Variants in CNOT1 observed in about 807,000 individuals in gnomAD.
CNOT1 encodes CCR4-associated factor 1.
CNOT1 carries 15 observed loss-of-function variants against 273.8 expected under a neutral mutation model. That is an observed-to-expected ratio of 0.05 (90% CI 0.04 to 0.08). CNOT1 has a LOEUF of 0.08. Ranked by LOEUF, CNOT1 falls within the 10% of genes least tolerant of loss-of-function variation. The probability of loss-of-function intolerance (pLI) is 1.00; values close to 1 mark genes in which losing one functional copy is unlikely to be tolerated. For synonymous variants in CNOT1, 1,022 were observed against 1,005.5 expected, an observed-to-expected ratio of 1.02 and a Z score of -0.31; for missense variants, 1,644 against 2,912.2, an observed-to-expected ratio of 0.56 and a Z score of 10.02.
intron 1 of CNOT1, among the ~76,000 whole-genome samples, chr16:58,602,102 C>T (rs1010294504): frequency 2.6e-5 from 4 of 151,706 alleles, no homozygotes; most frequent in Admixed American, 6.6e-5. Context: ...GAGTTTCGCT[C>T]TTGTTTCCCA....
At chr16:58,576,359 C>A in intron 14 of CNOT1, 104 bp downstream of exon 14, 1 of 1,524,008 alleles carries the variant, frequency 6.6e-7, no homozygotes, top group Non-Finnish European at 8.9e-7. Flanking sequence ...GATCCGCCCA[C>A]CTCAGCCTCC....
intron 1 of CNOT1, among the ~76,000 whole-genome samples, chr16:58,628,161 A>G (rs1488418032): frequency 2.6e-5 from 4 of 152,198 alleles, no homozygotes; most frequent in African/African-American, 9.6e-5. Context: ...GACTTGGGGA[A>G]CCCACACTTG....
In CNOT1 at chr16:58,535,733, T is replaced by C. The variant is rs950498881; in HGVS notation, c.5646+1256A>G. Among the ~76,000 whole-genome samples, 4 of 152,200 alleles carry C rather than the reference T, an allele frequency of 2.6e-5. No homozygotes were observed. The South Asian group carries it at 6.2e-4, about 24-fold the overall frequency. On this transcript the variant is annotated intron_variant, in intron 39 of 48. Transcript: ENST00000317147. ...TTTGAAAAGTAAACCTAATTTCTTT[T>C]TTTTTTTTAATTTTTTTTGAGACGG...
intron 34 of CNOT1, 149 bp downstream of exon 34, chr16:58,541,352 G>C: frequency 7.9e-7 from 1 of 1,264,270 alleles, no homozygotes; most frequent in African/African-American, 1.5e-5. Context: ...TACTTAATTG[G>C]ACACAAAGAA....
At chr16:58,572,907 CAA>C (rs1316404648) in intron 16 of CNOT1, among the ~76,000 whole-genome samples, 5 of 67,194 alleles carry the variant, frequency 7.4e-5, no homozygotes, top group South Asian at 4.2e-4. Context: ...GACTCTGTCT[CAA>C]AAAAAAAAAA....
Position 58,547,054 on chromosome 16 carries a change from C to G in CNOT1, c.3750+132G>C. On this transcript the variant is annotated intron_variant, in intron 27 of 48. Transcript: ENST00000317147. The surrounding 1 kb of genome is among the most constrained non-coding windows in gnomAD (Gnocchi z 4.0). ...CACCCAGCCTCTCAAATTGGAAATC[C>G]AAGTGCCATAGAGGAAAACAGACTT... is the stretch of plus-strand genomic sequence containing the variant. 1 of 1,289,352 alleles carries G rather than the reference C, an allele frequency of 7.8e-7. No homozygotes were observed. Among genetic ancestry groups the G allele is most frequent in the Non-Finnish European group, 1.0e-6 (1 of 960,290 alleles). The allele number at this position is 1,289,352 out of a possible 1,614,324, so 79.9% of individuals were successfully genotyped here. A position where few individuals can be genotyped will look rare whatever the true frequency, so the allele number is the denominator to read the frequency against.
At position 58,608,928 on chromosome 16, in the gene CNOT1, C is replaced by T. The variant is rs186977597; in HGVS notation, c.-174-9417G>A. On this transcript the variant is annotated intron_variant, in intron 1 of 48. Transcript: ENST00000317147. ...GAGCTAAGCTATGAGGATGCAAAGG[C>T]GTAAGAATGACACAATAGACCTTGG... 7.9e-5 allele frequency among the ~76,000 whole-genome samples: 12 copies of T among 152,198 alleles called. No homozygotes were observed. In the East Asian group the frequency reaches 1.9e-3, roughly 24 times the overall value.
intron 1 of CNOT1, among the ~76,000 whole-genome samples, chr16:58,611,061 T>C (rs2042881279): frequency 6.6e-6 from 1 of 151,874 alleles, no homozygotes. Flanking sequence ...TAAAAAATGC[T>C]GATTCCTAAG....
intron 7 of CNOT1, among the ~76,000 whole-genome samples, chr16:58,585,844 A>G (rs1190220168): frequency 6.6e-6 from 1 of 152,284 alleles, no homozygotes; most frequent in Non-Finnish European, 1.5e-5. Flanking sequence ...AACAATTAGA[A>G]TATCAGTCTA....
intron 42 of CNOT1, among the ~76,000 whole-genome samples, chr16:58,530,886 G>A (rs2039759828): frequency 6.6e-6 from 1 of 152,108 alleles, no homozygotes. Flanking sequence ...AAAAAAACTG[G>A]CTCCAGAGAT....
intron 34 of CNOT1, 179 bp from the exon 35 acceptor site, chr16:58,540,138 G>C (rs2040045173): frequency 3.4e-6 from 2 of 596,038 alleles, no homozygotes; most frequent in African/African-American, 1.8e-5. Flanking sequence ...ATACCATCAA[G>C]TGGCACAGTA....
chr16:58,588,439 C>T (rs1250204611), intron 3 of CNOT1, among the ~76,000 whole-genome samples: 4 of 152,036 alleles, frequency 2.6e-5, no homozygotes, highest in Non-Finnish European at 5.9e-5. Flanking sequence ...GACAAGATTA[C>T]TGTAAGAAAC....
intron 22 of CNOT1, 90 bp downstream of exon 22, chr16:58,553,692 A>G: frequency 1.4e-6 from 2 of 1,431,370 alleles, no homozygotes; most frequent in Non-Finnish European, 1.8e-6. Context: ...TCTTAATGCC[A>G]TTACTATCAA....
intron 1 of CNOT1, among the ~76,000 whole-genome samples, chr16:58,624,254 A>G (rs2043469989): frequency 6.6e-6 from 1 of 152,182 alleles, no homozygotes; most frequent in South Asian, 2.1e-4. Context: ...TGTGGTGTCC[A>G]CTGCTGAATA....
At chr16:58,550,829 T>G (rs1249388348) in intron 24 of CNOT1, among the ~76,000 whole-genome samples, 2 of 132,944 alleles carry the variant, frequency 1.5e-5, no homozygotes, top group African/African-American at 4.9e-5. Context: ...GTTATTAGGT[T>G]GTAATAAATA....
intron 30 of CNOT1, among the ~76,000 whole-genome samples, chr16:58,544,280 A>C (rs2040187717): frequency 6.6e-6 from 1 of 152,228 alleles, no homozygotes; most frequent in African/African-American, 2.4e-5. Flanking sequence ...TAAAGTTTAT[A>C]GAAAAAAGAC....
At chr16:58,529,877 CACCA>C (rs2039722403) in intron 43 of CNOT1, among the ~76,000 whole-genome samples, 2 of 131,734 alleles carry the variant, frequency 1.5e-5, no homozygotes, top group Non-Finnish European at 3.3e-5. Context: ...AAAGATAAAT[CACCA>C]ACAAACAAAA....
intron 1 of CNOT1, among the ~76,000 whole-genome samples, chr16:58,599,936 G>A (rs1050490725): frequency 5.9e-5 from 9 of 151,986 alleles, no homozygotes; most frequent in African/African-American, 1.9e-4. Flanking sequence ...GGTGGTGCAC[G>A]CCTGTAATCC....
rs140196937 is a variant in CNOT1, at chr16:58,596,013, G to A, written c.102+3223C>T. Among the ~76,000 whole-genome samples, 386 of 152,306 alleles carry A rather than the reference G, an allele frequency of 2.5e-3. 2 individuals are homozygous for A. The highest frequency in any genetic ancestry group is 8.6e-3 in the African/African-American group (358 of 41,566). Reference sequence around the variant, plus strand: ...GCTTTTCTTTTGGGATGAAGGTACCGCAAATGGGTTGTACAATTTTCACAT... The same window carrying A: ...GCTTTTCTTTTGGGATGAAGGTACCACAAATGGGTTGTACAATTTTCACAT... On this transcript the variant is annotated intron_variant, in intron 2 of 48. Coordinates refer to ENST00000317147, the MANE Select transcript of CNOT1 (RefSeq NM_016284.5).
Sources: allele counts gnomAD v4.1 joint callset (sites outside exome capture counted in the v4.1 genomes callset), GRCh38; gene constraint gnomAD v4.1.1; non-coding constraint Gnocchi (gnomAD v3.1); transcripts MANE v1.5; gene names NCBI Gene and HGNC (gene_info 2026-07-23, HGNC 2026-07-21).